Variants in TGFBR2 observed in about 807,000 individuals in gnomAD.
TGFBR2 encodes the protein TGF-beta receptor type-2.
Under a neutral mutation model 49.0 loss-of-function variants are expected in TGFBR2, and 18 were observed. The ratio of observed to expected loss-of-function variants is 0.37; its 90% CI spans 0.25 to 0.54. The LOEUF (loss-of-function observed/expected upper bound fraction) is 0.54, where lower values mean the gene tolerates loss of function less well. Among genes scored for constraint, TGFBR2 ranks in the 20% least tolerant of loss-of-function variants. The probability of loss-of-function intolerance (pLI) is 0.85; values close to 1 mark genes in which losing one functional copy is unlikely to be tolerated. For missense variants in TGFBR2, 525 were observed against 722.6 expected (o/e 0.73, Z 3.13); for synonymous variants, 282 against 275.9 (o/e 1.02, Z -0.22).
chr3:30,630,327 A>G (rs1698412480), intron 1 of TGFBR2, among the ~76,000 whole-genome samples: 1 of 152,240 alleles, frequency 6.6e-6, no homozygotes, highest in South Asian at 2.1e-4. Flanking sequence ...AGAAATAGAA[A>G]GCATTATAAT....
intron 3 of TGFBR2, chr3:30,661,387 A>G (rs746433146): frequency 8.1e-5 from 27 of 335,390 alleles, no homozygotes; most frequent in Non-Finnish European, 1.5e-4. Flanking sequence ...CTCCTTTTAA[A>G]GTCAGAGCAA....
At chr3:30,629,675 A>G (rs1698400091) in intron 1 of TGFBR2, among the ~76,000 whole-genome samples, 2 of 152,220 alleles carry the variant, frequency 1.3e-5, no homozygotes, top group Non-Finnish European at 2.9e-5. Context: ...CCAAGTGTTT[A>G]TAGAGTACCA....
chr3:30,640,566 A>G (rs1698625434), intron 1 of TGFBR2, among the ~76,000 whole-genome samples: 1 of 152,216 alleles, frequency 6.6e-6, no homozygotes, highest in African/African-American at 2.4e-5. Flanking sequence ...TGTAAATTCT[A>G]TGTAAATAGT....
chr3:30,657,960 T>A (rs1699038860), intron 3 of TGFBR2, among the ~76,000 whole-genome samples: 1 of 152,230 alleles, frequency 6.6e-6, no homozygotes, highest in South Asian at 2.1e-4. Context: ...TTGCCTCTGA[T>A]CTTAAGGACA....
chr3:30,629,999 C>G (rs887129458), intron 1 of TGFBR2, among the ~76,000 whole-genome samples: 1 of 152,102 alleles, frequency 6.6e-6, no homozygotes, highest in Admixed American at 6.6e-5. Flanking sequence ...ATTTCCTCCC[C>G]TCCTCCCCCA....
rs139434605 is a variant in TGFBR2 at position 30,641,832 on chromosome 3, C to T, written c.95-2915C>T. Among the ~76,000 whole-genome samples, 9 of 152,142 alleles carry T rather than the reference C, an allele frequency of 5.9e-5. No homozygotes were observed. In the East Asian group the frequency reaches 1.5e-3, roughly 26 times the overall value. On this transcript the variant is annotated intron_variant, in intron 1 of 6. Transcript: ENST00000295754. ...CCAGGGGCCCCGTTACAGTGGTGCT[C>T]CTGGAGCTGTGCAAATTGGTGGACC...
At chr3:30,619,468 G>A (rs1008614745) in intron 1 of TGFBR2, among the ~76,000 whole-genome samples, 1 of 152,112 alleles carries the variant, frequency 6.6e-6, no homozygotes, top group Non-Finnish European at 1.5e-5. Context: ...CATGGGGGCT[G>A]CCTCAGTGTC....
chr3:30,669,926 C>T (rs1195061274), intron 3 of TGFBR2, among the ~76,000 whole-genome samples: 2 of 152,136 alleles, frequency 1.3e-5, no homozygotes, highest in Non-Finnish European at 2.9e-5. Context: ...AATGGGTTCC[C>T]CTTGAGAGAA....
rs2125435532 is a variant in TGFBR2 at position 30,672,172 on chromosome 3, A to G, written c.989A>G (p.Lys330Arg). Residue 330 changes from lysine to arginine, a missense_variant, in exon 4 of 7, where the codon AAG (lysine) becomes AGG (arginine). Coordinates refer to ENST00000295754, the MANE Select transcript of TGFBR2 (RefSeq NM_003242.6). The surrounding 1 kb of genome is among the most constrained non-coding windows in gnomAD (Gnocchi z 4.5). ...TGGCTGATCACCGCCTTCCACGCCA[A>G]GGGCAACCTACAGGAGTACCTGACG... The part of the protein sequence containing the change: ...QYWLITAFHA[K>R]GNLQEYLTRH... 1 of 1,614,132 alleles carries G rather than the reference A, an allele frequency of 6.2e-7. No individual in the cohort carries two copies. The highest frequency in any genetic ancestry group is 8.5e-7 in the Non-Finnish European group (1 of 1,179,978).
chr3:30,639,353 G>T (rs1389804805), intron 1 of TGFBR2, among the ~76,000 whole-genome samples: 1 of 152,174 alleles, frequency 6.6e-6, no homozygotes, highest in Non-Finnish European at 1.5e-5. Flanking sequence ...TTAAGTAAAA[G>T]AAATCATTCT....
At chr3:30,670,588 C>T (rs1444471726) in intron 3 of TGFBR2, among the ~76,000 whole-genome samples, 1 of 152,246 alleles carries the variant, frequency 6.6e-6, no homozygotes, top group Non-Finnish European at 1.5e-5. Context: ...CTCCTGTCCA[C>T]TGTCTGTTTC....
intron 3 of TGFBR2, among the ~76,000 whole-genome samples, chr3:30,668,710 A>G (rs1300971099): frequency 6.6e-6 from 1 of 151,980 alleles, no homozygotes; most frequent in Admixed American, 6.6e-5. Context: ...AGGATCAATC[A>G]CCAAATTTTC....
intron 1 of TGFBR2, 143 bp from the exon 2 acceptor site, chr3:30,644,604 G>T: frequency 1.3e-6 from 1 of 776,738 alleles, no homozygotes; most frequent in Middle Eastern, 3.2e-4. Flanking sequence ...ATTCTAATCT[G>T]ATGTGAAGGA....
chr3:30,662,874 T>C (rs1202373380), intron 3 of TGFBR2, among the ~76,000 whole-genome samples: 2 of 152,212 alleles, frequency 1.3e-5, no homozygotes, highest in African/African-American at 4.8e-5. Context: ...AACTTTATTT[T>C]TGCTAAACTG....
intron 1 of TGFBR2, among the ~76,000 whole-genome samples, chr3:30,621,285 T>TTG (rs2125451909): frequency 6.7e-6 from 1 of 148,704 alleles, no homozygotes; most frequent in South Asian, 2.1e-4. Context: ...ATTCTTTTTT[T>TTG]TTTTTTTTTT....
chr3:30,636,263 T>C (rs988021269), intron 1 of TGFBR2, among the ~76,000 whole-genome samples: 1 of 151,178 alleles, frequency 6.6e-6, no homozygotes, highest in Non-Finnish European at 1.5e-5. Context: ...TTTACTAGAA[T>C]TATTTCCTGC....
intron 3 of TGFBR2, among the ~76,000 whole-genome samples, chr3:30,654,261 A>G (rs1698953451): frequency 6.6e-6 from 1 of 152,240 alleles, no homozygotes; most frequent in African/African-American, 2.4e-5. Flanking sequence ...ACACGGTAAC[A>G]TCTTGACATC....
chr3:30,673,301 A>T (rs771558499), intron 4 of TGFBR2, among the ~76,000 whole-genome samples: 1 of 152,238 alleles, frequency 6.6e-6, no homozygotes, highest in Non-Finnish European at 1.5e-5. Context: ...ATTCCTTGGA[A>T]TGATAATATC....
intron 1 of TGFBR2, among the ~76,000 whole-genome samples, chr3:30,625,784 G>A (rs763815366): frequency 1.3e-5 from 2 of 152,126 alleles, no homozygotes; most frequent in Non-Finnish European, 2.9e-5. Context: ...ATATAATAAT[G>A]TTCTGGTTAT....
Sources: allele counts gnomAD v4.1 joint callset (sites outside exome capture counted in the v4.1 genomes callset), GRCh38; gene constraint gnomAD v4.1.1; non-coding constraint Gnocchi (gnomAD v3.1); transcripts MANE v1.5; gene names NCBI Gene and HGNC (gene_info 2026-07-23, HGNC 2026-07-21).